Variants in PGM5 observed in about 807,000 individuals in gnomAD.
The protein encoded by PGM5 is phosphoglucomutase 5.
A neutral mutation model predicts 59.2 loss-of-function variants in PGM5; 23 were observed. The ratio of observed to expected loss-of-function variants is 0.39; its 90% confidence interval spans 0.28 to 0.55. The LOEUF (loss-of-function observed/expected upper bound fraction) is 0.55. Ranked by LOEUF, PGM5 falls within the 20% of genes least tolerant of loss-of-function variation. The probability of loss-of-function intolerance (pLI) is 0.66; values close to 1 mark genes in which losing one functional copy is unlikely to be tolerated. For synonymous variants in PGM5, 214 were observed against 286.0 expected, an observed-to-expected ratio of 0.75 and a Z score of 2.54; for missense variants, 574 against 748.3, an observed-to-expected ratio of 0.77 and a Z score of 2.72.
intron 7 of PGM5, among the ~76,000 whole-genome samples, chr9:68,472,876 T>C (rs1402396919): frequency 6.6e-6 from 1 of 152,230 alleles, no homozygotes; most frequent in Admixed American, 6.5e-5. Context: ...CAGCACAGGA[T>C]GTGTCCTTTG....
chr9:68,499,982 G>A (rs1824545313), intron 10 of PGM5, among the ~76,000 whole-genome samples: 1 of 152,138 alleles, frequency 6.6e-6, no homozygotes, highest in Non-Finnish European at 1.5e-5. Flanking sequence ...ATTCATTAAA[G>A]CTCCAGCCAA....
chr9:68,436,794 G>A (rs1211264627), intron 6 of PGM5, among the ~76,000 whole-genome samples: 4 of 152,216 alleles, frequency 2.6e-5, no homozygotes, highest in Non-Finnish European at 4.4e-5. Flanking sequence ...TGAAACCAGA[G>A]CTCAAGGTCA....
chr9:68,420,993 C>G (rs1416275757), intron 6 of PGM5, among the ~76,000 whole-genome samples: 2 of 152,094 alleles, frequency 1.3e-5, no homozygotes, highest in Non-Finnish European at 2.9e-5. Context: ...TATGCTTTGT[C>G]CATGGATGGT....
intron 10 of PGM5, among the ~76,000 whole-genome samples, chr9:68,508,652 C>T (rs1443783808): frequency 6.6e-6 from 1 of 152,196 alleles, no homozygotes; most frequent in Non-Finnish European, 1.5e-5. Flanking sequence ...GAAAAAGGAG[C>T]ATGAATGAAT....
intron 2 of PGM5, among the ~76,000 whole-genome samples, chr9:68,382,123 A>G (rs1554678370): frequency 1.3e-5 from 2 of 151,850 alleles, no homozygotes; most frequent in Admixed American, 1.3e-4. Context: ...AAATTATATT[A>G]CAAAGCTAAA....
intron 10 of PGM5, among the ~76,000 whole-genome samples, chr9:68,508,403 TA>T (rs1268937558): frequency 6.6e-6 from 1 of 152,296 alleles, no homozygotes; most frequent in East Asian, 1.9e-4. Context: ...TTGTTTAAAA[TA>T]AAAAACAAAA....
At chr9:68,465,069 C>T in intron 6 of PGM5, 24 bp from the exon 7 acceptor site, 1 of 1,449,262 alleles carries the variant, frequency 6.9e-7, no homozygotes, top group Non-Finnish European at 9.7e-7. Context: ...TATGAATTGA[C>T]TTTTCTCAAA....
chr9:68,431,848 T>C (rs1163356020), intron 6 of PGM5, among the ~76,000 whole-genome samples: 2 of 151,596 alleles, frequency 1.3e-5, no homozygotes, highest in Non-Finnish European at 2.9e-5. Flanking sequence ...TAGCACTTCA[T>C]GTAAGATGGA....
chr9:68,486,562 CT>C (rs1554687550), intron 9 of PGM5, among the ~76,000 whole-genome samples: 2 of 152,202 alleles, frequency 1.3e-5, no homozygotes, highest in African/African-American at 4.8e-5. Flanking sequence ...GCTTCTTTCA[CT>C]TATTGTAATA....
At chr9:68,455,261 A>C (rs1393481360) in intron 6 of PGM5, among the ~76,000 whole-genome samples, 1 of 152,216 alleles carries the variant, frequency 6.6e-6, no homozygotes, top group African/African-American at 2.4e-5. Context: ...TCACATTCCC[A>C]AAGGGAATGC....
At chr9:68,523,783 C>T (rs1824932270) in intron 10 of PGM5, among the ~76,000 whole-genome samples, 1 of 152,208 alleles carries the variant, frequency 6.6e-6, no homozygotes, top group African/African-American at 2.4e-5. Context: ...TACAAATGCA[C>T]ATTCCTCATA....
intron 6 of PGM5, chr9:68,426,694 T>A (rs1296879916): frequency 6.6e-6 from 1 of 152,154 alleles, no homozygotes; most frequent in Non-Finnish European, 1.5e-5. Context: ...ACCATTTTTT[T>A]AACTAACCTG....
At chr9:68,449,487 G>T (rs1423353686) in intron 6 of PGM5, among the ~76,000 whole-genome samples, 4 of 152,202 alleles carry the variant, frequency 2.6e-5, no homozygotes, top group African/African-American at 9.6e-5. Flanking sequence ...GTGAACTTCA[G>T]CTATGGGTGC....
At chr9:68,444,141 T>G (rs1409626894) in intron 6 of PGM5, among the ~76,000 whole-genome samples, 1 of 151,824 alleles carries the variant, frequency 6.6e-6, no homozygotes, top group Non-Finnish European at 1.5e-5. Context: ...AGCCTTTTAG[T>G]TCAAGGATGG....
chr9:68,459,325 C>T (rs1823824026), intron 6 of PGM5, among the ~76,000 whole-genome samples: 1 of 152,184 alleles, frequency 6.6e-6, no homozygotes, highest in African/African-American at 2.4e-5. Context: ...CAGAATAGCA[C>T]CTGAAGCTTC....
chr9:68,377,469 G>T (rs1554677894), intron 1 of PGM5, among the ~76,000 whole-genome samples: 1 of 152,212 alleles, frequency 6.6e-6, no homozygotes, highest in African/African-American at 2.4e-5. Flanking sequence ...AGAACTACTA[G>T]ATTGGATGAT....
At chr9:68,372,622 G>A (rs1821769313) in intron 1 of PGM5, among the ~76,000 whole-genome samples, 1 of 152,080 alleles carries the variant, frequency 6.6e-6, no homozygotes, top group Non-Finnish European at 1.5e-5. Flanking sequence ...TCACGGCCAT[G>A]GTATTACAGC....
intron 2 of PGM5, among the ~76,000 whole-genome samples, chr9:68,381,189 A>G: frequency 6.6e-6 from 1 of 151,884 alleles, no homozygotes. Flanking sequence ...AAATTCAACA[A>G]CACATTAAAG....
Position 68,436,620 on chromosome 9 carries a change from A to G in PGM5, c.1044-28473A>G, listed in dbSNP as rs564931080. On this transcript the variant is annotated intron_variant, in intron 6 of 10. Transcript: ENST00000396396. ...TGTATGTCTTTGAAGGCTTGGCCTCATGATTGAAATTTCTGTGTCCTCACT... is the reference window on the plus strand; with the variant it reads ...TGTATGTCTTTGAAGGCTTGGCCTCGTGATTGAAATTTCTGTGTCCTCACT... 4.9e-4 allele frequency among the ~76,000 whole-genome samples: 75 copies of G among 152,320 alleles called. 1 individual carries two copies. Among genetic ancestry groups the G allele is most frequent in the African/African-American group, 1.8e-3 (73 of 41,578 alleles).
Sources: gnomAD v4.1 joint callset for allele counts (sites outside exome capture counted in the v4.1 genomes callset) on GRCh38, gnomAD v4.1.1 for gene constraint, MANE v1.5 for transcripts, NCBI Gene and HGNC (gene_info 2026-07-23, HGNC 2026-07-21) for gene names.